The following SMG1 variants were observed in gnomAD, a reference collection of about 807,000 sequenced individuals.
SMG1 encodes the protein serine/threonine-protein kinase SMG1.
Under a neutral mutation model 419.9 loss-of-function variants are expected in SMG1, and 22 were observed. The observed-to-expected ratio is 0.05, with a 90% CI of 0.04 to 0.07. SMG1 has a LOEUF of 0.07. Ranked by LOEUF, SMG1 falls within the 10% of genes least tolerant of loss-of-function variation. The pLI is 1.00. For synonymous variants in SMG1, 1,538 were observed against 1,553.5 expected, an observed-to-expected ratio of 0.99 and a Z score of 0.23; for missense variants, 3,185 against 4,342.0, an observed-to-expected ratio of 0.73 and a Z score of 7.49.
At chr16:18,925,605 G>A in intron 1 of SMG1, 1 of 282,954 alleles carries the variant, frequency 3.5e-6, no homozygotes, top group Non-Finnish European at 6.5e-6. Context: ...TGGACTCTCA[G>A]CATCTCCCAA....
intron 13 of SMG1, among the ~76,000 whole-genome samples, chr16:18,874,106 T>G (rs2035974216): frequency 1.3e-5 from 2 of 152,158 alleles, no homozygotes; most frequent in South Asian, 4.1e-4. Context: ...CCTAAAAACT[T>G]TATTCCCTAA....
chr16:18,811,067 C>G (rs977899390), intron 62 of SMG1, among the ~76,000 whole-genome samples: 15 of 151,940 alleles, frequency 9.9e-5, no homozygotes, highest in African/African-American at 3.6e-4. Context: ...GTCCCGATAC[C>G]CAAAGATGCT....
intron 28 of SMG1, chr16:18,858,630 T>A (rs2141458320): frequency 4.7e-6 from 1 of 213,248 alleles, no homozygotes; most frequent in Middle Eastern, 1.8e-3. Context: ...TGCTTTATAA[T>A]GAAGTTCTCG....
At chr16:18,897,910 A>G (rs2037199235) in intron 1 of SMG1, among the ~76,000 whole-genome samples, 1 of 152,140 alleles carries the variant, frequency 6.6e-6, no homozygotes, top group Admixed American at 6.5e-5. Context: ...AAAAAAAAAA[A>G]AAAGAAAATC....
At position 18,837,389 on chromosome 16, in the gene SMG1, C is replaced by A; in HGVS notation, c.7468G>T (p.Gly2490Cys). The change falls in exon 46 of 63, where the codon GGT becomes TGT. Residue 2490 changes from glycine to cysteine, a missense_variant. Coordinates refer to ENST00000446231, the MANE Select transcript of SMG1 (RefSeq NM_015092.5). ...EMLVVLPKLD[G>C]SLDEYLSLQE... ...AAGCTTAGGTATTCATCTAAGCTAC[C>A]GTCCAACTTGGGAAGCACAACCAGC... The A allele has an allele frequency of 6.2e-7, 1 of 1,613,904 alleles. No individual in the cohort carries two copies. The highest frequency in any genetic ancestry group is 8.5e-7 in the Non-Finnish European group (1 of 1,179,856).
At chr16:18,811,701 AT>A in intron 62 of SMG1, 59 bp downstream of exon 62, 1 of 1,376,402 alleles carries the variant, frequency 7.3e-7, no homozygotes, top group Non-Finnish European at 1.0e-6. Flanking sequence ...AGGGATCTTT[AT>A]ACACCTCTAC....
At chr16:18,863,571 AT>A (rs1196053081) in intron 25 of SMG1, 78 bp downstream of exon 25, 8 of 1,308,438 alleles carry the variant, frequency 6.1e-6, no homozygotes, top group Non-Finnish European at 8.7e-6. Context: ...CATATGACCA[AT>A]TTTAATATTT....
intron 1 of SMG1, among the ~76,000 whole-genome samples, chr16:18,901,598 T>C (rs1004270340): frequency 1.1e-4 from 16 of 152,144 alleles, no homozygotes; most frequent in Non-Finnish European, 1.8e-4. Flanking sequence ...TTGTAAAGAA[T>C]TGTATCTTCA....
At chr16:18,887,762 TAAAAAAAAAAAAAAAAAAAAA>T (rs57393561) in intron 6 of SMG1, among the ~76,000 whole-genome samples, 1,253 of 38,338 alleles carry the variant, frequency 0.033, 73 homozygotes, top group African/African-American at 0.13. Flanking sequence ...TCAAAAACAG[TAAAAAAAAAAAAAAAAAAAAA>T]AAAAAAAAAA....
At chr16:18,868,098 T>C (rs1006749514) in intron 22 of SMG1, 92 bp downstream of exon 22, 38 of 911,738 alleles carry the variant, frequency 4.2e-5, no homozygotes, top group Non-Finnish European at 6.2e-5. Flanking sequence ...AGCTTTAACT[T>C]ATTTTATCCA....
At chr16:18,895,969 C>T (rs2037105910) in intron 3 of SMG1, 83 bp downstream of exon 3, 2 of 1,206,538 alleles carry the variant, frequency 1.7e-6, no homozygotes, top group Non-Finnish European at 1.2e-6. Context: ...CTGTGCAAGG[C>T]GTTAGTAAGA....
At chr16:18,846,609 C>T (rs988086202) in intron 38 of SMG1, among the ~76,000 whole-genome samples, 5 of 152,134 alleles carry the variant, frequency 3.3e-5, no homozygotes, top group African/African-American at 1.2e-4. Context: ...GGCCAATAAA[C>T]ACATGAAAGG....
At chr16:18,918,445 T>TG (rs35769045) in intron 1 of SMG1, among the ~76,000 whole-genome samples, 1 of 152,196 alleles carries the variant, frequency 6.6e-6, no homozygotes, top group Non-Finnish European at 1.5e-5. Flanking sequence ...TCTTCTATTT[T>TG]GGGGGGGATT....
In SMG1 at chr16:18,819,625, A is replaced by G. The variant is rs374248464; in HGVS notation, c.9771T>C (p.Ile3257=). The change falls in exon 56 of 63, where the codon ATT becomes ATC. Residue 3257 remains isoleucine, a synonymous_variant. Coordinates refer to ENST00000446231, the MANE Select transcript of SMG1 (RefSeq NM_015092.5). ...QEKLAALESS[I]EQRLKWAGGA... is the part of the protein sequence containing the mutation. ...CACCTGCCCACTTGAGTCGCTGTTC[A>G]ATACTTGATTCAAGTGCAGCTAGCT... 2 of 1,585,050 alleles carry G rather than the reference A, an allele frequency of 1.3e-6. No individual in the cohort carries two copies. The highest frequency in any genetic ancestry group is 2.7e-5 in the African/African-American group (2 of 74,238).
intron 39 of SMG1, among the ~76,000 whole-genome samples, chr16:18,843,457 C>A (rs571290415): frequency 6.6e-6 from 1 of 152,276 alleles, no homozygotes; most frequent in Admixed American, 6.5e-5. Flanking sequence ...ATAATATGCA[C>A]CCAAATTAAC....
At chr16:18,890,731 T>A (rs1321758088) in intron 5 of SMG1, 132 bp downstream of exon 5, 3 of 630,158 alleles carry the variant, frequency 4.8e-6, no homozygotes, top group Non-Finnish European at 8.7e-6. Context: ...CAGATAAAAA[T>A]GACAAGACCC....
intron 54 of SMG1, 26 bp downstream of exon 54, chr16:18,829,260 A>T: frequency 6.4e-7 from 1 of 1,565,088 alleles, no homozygotes; most frequent in Non-Finnish European, 8.7e-7. Flanking sequence ...CTTGAGGAAA[A>T]ACACATTATA....
intron 29 of SMG1, chr16:18,856,357 AAT>A (rs2034907405): frequency 8.1e-6 from 1 of 123,886 alleles, no homozygotes; most frequent in Non-Finnish European, 1.7e-5. Context: ...TTTTTTTTGA[AAT>A]AGAGTCTCAC....
intron 48 of SMG1, among the ~76,000 whole-genome samples, chr16:18,835,380 C>A (rs1226261551): frequency 6.6e-6 from 1 of 152,212 alleles, no homozygotes; most frequent in Non-Finnish European, 1.5e-5. Context: ...CGGCTCATAC[C>A]TGTAATCCTA....
Sources: allele counts gnomAD v4.1 joint callset (sites outside exome capture counted in the v4.1 genomes callset), GRCh38; gene constraint gnomAD v4.1.1; transcripts MANE v1.5; gene names NCBI Gene and HGNC (gene_info 2026-07-23, HGNC 2026-07-21).